Variants in MATR3 observed in about 807,000 individuals in gnomAD.
MATR3 encodes matrin 3.
Under a neutral mutation model 85.5 loss-of-function variants are expected in MATR3, and 4 were observed. That is an observed-to-expected ratio of 0.05 (90% CI 0.02 to 0.11). MATR3 has a LOEUF of 0.11. Ranked by LOEUF, MATR3 falls within the 10% of genes least tolerant of loss-of-function variation. The pLI is 1.00. For missense variants in MATR3, 685 were observed against 1,016.1 expected (o/e 0.67, Z 4.43); for synonymous variants, 336 against 343.1 (o/e 0.98, Z 0.23).
intron 6 of MATR3, 130 bp downstream of exon 6, chr5:139,317,235 T>G: frequency 6.3e-6 from 6 of 947,510 alleles, no homozygotes; most frequent in Non-Finnish European, 1.0e-5. Flanking sequence ...AACAATCACG[T>G]TTTTCTATGG....
In MATR3 at chr5:139,307,139, GTTTTT is replaced by G. The variant is rs796858947; in HGVS notation, c.-177-94_-177-90del. ...TCCTTGTAAGTTTGAGATCTTAAAT[GTTTTT>G]TTTTTAAATCAACATGATGCATAAG... On this transcript the variant is annotated intron_variant, in intron 1 of 14. Transcript: ENST00000394805. The surrounding 1 kb of genome is among the most constrained non-coding windows in gnomAD (Gnocchi z 4.4). 1.3e-6 allele frequency: 1 copy of G among 774,276 alleles called. No homozygotes were observed. The highest frequency in any genetic ancestry group is 1.9e-5 in the African/African-American group (1 of 53,078). 48.0% of individuals were successfully genotyped at this position (774,276 alleles called of 1,614,324 possible).
upstream of MATR3, chr5:139,291,858 G>A (rs1490003587): frequency 6.6e-6 from 1 of 151,610 alleles, no homozygotes; most frequent in East Asian, 1.9e-4. Flanking sequence ...CATTTTTATG[G>A]CTATGCCATT....
rs116278472 is a variant in MATR3, at chr5:139,331,449, T to A, written c.*2054T>A. ...TAGCAAGTTGAAGGAAAGAATGCTA[T>A]GTTTTTAATACCTACATTTGAGAGC... On this transcript the variant is annotated 3_prime_UTR_variant, in exon 15 of 15. Coordinates refer to ENST00000394805, the MANE Select transcript of MATR3 (RefSeq NM_018834.6). 257 of 453,890 alleles carry A rather than the reference T, an allele frequency of 5.7e-4. 1 individual carries two copies. Among genetic ancestry groups the A allele is most frequent in the Admixed American group, 8.7e-4 (37 of 42,572 alleles). 28.1% of individuals were successfully genotyped at this position (453,890 alleles called of 1,614,324 possible).
chr5:139,291,941 T>C (rs1378122236), upstream of MATR3: 2 of 43,612 alleles, frequency 4.6e-5, no homozygotes, highest in Admixed American at 5.6e-4. Context: ...ACATAACCTT[T>C]TTTTTTTTTT....
intron 2 of MATR3, among the ~76,000 whole-genome samples, chr5:139,277,728 C>T (rs1753340049): frequency 6.8e-6 from 1 of 147,218 alleles, no homozygotes; most frequent in Non-Finnish European, 1.5e-5. Context: ...GCCAAACATT[C>T]AAATTCATGG....
chr5:139,320,656 T>A (rs1755511296), intron 9 of MATR3, among the ~76,000 whole-genome samples: 1 of 152,118 alleles, frequency 6.6e-6, no homozygotes, highest in African/African-American at 2.4e-5. Context: ...TTTTTTGTTT[T>A]AAACACTTCT....
At chr5:139,282,560 G>C (rs969067274) in intron 3 of MATR3, among the ~76,000 whole-genome samples, 1 of 152,162 alleles carries the variant, frequency 6.6e-6, no homozygotes, top group African/African-American at 2.4e-5. Flanking sequence ...GAAAAGTTGG[G>C]AAGATGGTAC....
chr5:139,315,802 T>C (rs1581245624), intron 4 of MATR3, 64 bp downstream of exon 4: 1 of 1,259,052 alleles, frequency 7.9e-7, no homozygotes, highest in East Asian at 2.3e-5. Flanking sequence ...CAGGTTTCAC[T>C]TTCAACATTT....
intron 10 of MATR3, 109 bp downstream of exon 10, chr5:139,322,138 C>T (rs1755605278): frequency 2.3e-6 from 3 of 1,302,162 alleles, no homozygotes; most frequent in African/African-American, 1.5e-5. Context: ...TTATTGAAAC[C>T]TATTGAAATA....
chr5:139,323,970 A>G (rs1164749877), intron 12 of MATR3, among the ~76,000 whole-genome samples: 1 of 152,166 alleles, frequency 6.6e-6, no homozygotes, highest in East Asian at 1.9e-4. Context: ...GCAACATTCA[A>G]CTCAAAACCA....
chr5:139,281,682 A>G (rs1050954093), intron 3 of MATR3, among the ~76,000 whole-genome samples: 7 of 152,082 alleles, frequency 4.6e-5, no homozygotes, highest in Admixed American at 4.6e-4. Flanking sequence ...ATCTTTTCCC[A>G]TGCTGCAATG....
At chr5:139,327,685 T>G (rs1755928111) in intron 14 of MATR3, among the ~76,000 whole-genome samples, 1 of 152,086 alleles carries the variant, frequency 6.6e-6, no homozygotes, top group Non-Finnish European at 1.5e-5. Flanking sequence ...CCTCCCAAAA[T>G]GCTGGGATTA....
rs1355746587 is a variant in MATR3 at position 139,331,196 on chromosome 5, A to G, written c.*1801A>G. ...TAAAGGATACTTCAAATAGTTGGCT[A>G]AATTTTATGATCTCTCCCGTTGAAA... On this transcript the variant is annotated 3_prime_UTR_variant, in exon 15 of 15. Coordinates refer to ENST00000394805, the MANE Select transcript of MATR3 (RefSeq NM_018834.6). 2.2e-6 allele frequency: 1 copy of G among 454,010 alleles called. No individual in the cohort carries two copies. The highest frequency in any genetic ancestry group is 2.0e-5 in the African/African-American group (1 of 49,992). The allele number at this position is 454,010 out of a possible 1,614,324, so 28.1% of individuals were successfully genotyped here.
chr5:139,321,158 G>GT (rs1381554167), intron 9 of MATR3, among the ~76,000 whole-genome samples: 1 of 151,580 alleles, frequency 6.6e-6, no homozygotes, highest in African/African-American at 2.4e-5. Context: ...TTTGGTTTTT[G>GT]GTTTTTTCTG....
intron 1 of MATR3, among the ~76,000 whole-genome samples, chr5:139,302,367 C>G (rs941778540): frequency 6.6e-6 from 1 of 152,012 alleles, no homozygotes; most frequent in Non-Finnish European, 1.5e-5. Flanking sequence ...GTGGCTGAAA[C>G]TCTAGGAAAA....
intron 7 of MATR3, among the ~76,000 whole-genome samples, 200 bp from the exon 8 acceptor site, chr5:139,318,708 G>T (rs1380923441): frequency 2.0e-5 from 3 of 152,270 alleles, no homozygotes; most frequent in Non-Finnish European, 4.4e-5. Flanking sequence ...GCCTCCCGAA[G>T]TGTTGGGATT....
intron 5 of MATR3, among the ~76,000 whole-genome samples, 178 bp from the exon 6 acceptor site, chr5:139,316,875 A>G (rs1002728473): frequency 1.3e-5 from 2 of 152,204 alleles, no homozygotes; most frequent in African/African-American, 4.8e-5. Flanking sequence ...CAATGATTAT[A>G]GGTGAAAGAA....
At chr5:139,321,628 C>T (rs1296657649) in intron 9 of MATR3, among the ~76,000 whole-genome samples, 1 of 151,962 alleles carries the variant, frequency 6.6e-6, no homozygotes, top group South Asian at 2.1e-4. Context: ...ACAAAAAATA[C>T]AAAAATTAGC....
chr5:139,321,244 G>A (rs1023441471), intron 9 of MATR3, among the ~76,000 whole-genome samples: 6 of 151,986 alleles, frequency 3.9e-5, no homozygotes, highest in East Asian at 1.9e-4. Flanking sequence ...CCGCCTCCTG[G>A]GTTCAAGCAG....
Sources: gnomAD v4.1 joint callset for allele counts (sites outside exome capture counted in the v4.1 genomes callset) on GRCh38, gnomAD v4.1.1 for gene constraint, Gnocchi (gnomAD v3.1) non-coding constraint, MANE v1.5 for transcripts, NCBI Gene and HGNC (gene_info 2026-07-23, HGNC 2026-07-21) for gene names.